The following NRG1 variants were observed in gnomAD, a reference collection of about 807,000 sequenced individuals.
NRG1 encodes neuregulin 1.
Under a neutral mutation model 63.8 loss-of-function variants are expected in NRG1, and 18 were observed. The observed-to-expected ratio is 0.28, with a 90% CI of 0.19 to 0.42. The LOEUF is 0.42. NRG1 is among the 10% of genes least tolerant of loss of function. The probability of loss-of-function intolerance (pLI) is 1.00; values close to 1 mark genes in which losing one functional copy is unlikely to be tolerated. For missense variants in NRG1, 762 were observed against 814.7 expected (o/e 0.94, Z 0.79); for synonymous variants, 302 against 301.3 (o/e 1.00, Z -0.02).
At chr8:32,763,775 T>C (rs754357956) in exon 12 of NRG1, 1 of 1,565,002 alleles carries the variant, frequency 6.4e-7, no homozygotes, top group South Asian at 1.2e-5. Context: ...CCACCCCGGC[T>C]CGTATGTCAC....
intron 1 of NRG1, among the ~76,000 whole-genome samples, chr8:31,872,924 C>T (rs952768588): frequency 6.6e-6 from 1 of 152,274 alleles, no homozygotes; most frequent in Non-Finnish European, 1.5e-5. Flanking sequence ...TCTCCCTTTC[C>T]TATTCTCAGA....
intron 1 of NRG1, among the ~76,000 whole-genome samples, chr8:31,972,190 T>C (rs1807403190): frequency 6.6e-6 from 1 of 152,084 alleles, no homozygotes; most frequent in South Asian, 2.1e-4. Flanking sequence ...TGCTCACAAT[T>C]TACCCCTCCT....
rs532150670 is a variant in NRG1 at position 32,181,907 on chromosome 8, T to G, written c.38-413921T>G. Reference sequence around the variant, plus strand: ...GTATTCTGAATAATGTGCTGGGAGATTATAAATAACCTTAACTAACAGTAA... The same window carrying G: ...GTATTCTGAATAATGTGCTGGGAGAGTATAAATAACCTTAACTAACAGTAA... On this transcript the variant is annotated intron_variant, in intron 1 of 10. Transcript: ENST00000519301. Among the ~76,000 whole-genome samples, 238 of 152,306 alleles carry G rather than the reference T, an allele frequency of 1.6e-3. 3 individuals carry two copies. The highest frequency in any genetic ancestry group is 5.6e-3 in the African/African-American group (234 of 41,572).
At chr8:32,083,653 T>A (rs1287702113) in intron 1 of NRG1, among the ~76,000 whole-genome samples, 2 of 152,202 alleles carry the variant, frequency 1.3e-5, no homozygotes, top group Non-Finnish European at 2.9e-5. Flanking sequence ...ATGAGCTATC[T>A]GCATGGTTGG....
chr8:32,190,410 CT>C (rs1186434959), intron 1 of NRG1, among the ~76,000 whole-genome samples: 1 of 152,076 alleles, frequency 6.6e-6, no homozygotes, highest in Non-Finnish European at 1.5e-5. Context: ...AAATCCTGAG[CT>C]TTTTCTTGAG....
chr8:32,264,719 T>C (rs1439215336), intron 1 of NRG1, among the ~76,000 whole-genome samples: 3 of 152,238 alleles, frequency 2.0e-5, no homozygotes, highest in South Asian at 2.1e-4. Context: ...ATTTAACTTA[T>C]AATTTAGTTA....
At chr8:32,500,232 T>C (rs753872382) in intron 1 of NRG1, among the ~76,000 whole-genome samples, 1 of 152,204 alleles carries the variant, frequency 6.6e-6, no homozygotes. Flanking sequence ...ACTCTCAGAA[T>C]AGACTTTTAA....
rs558975326 is a variant in NRG1, at chr8:32,666,920, G to T, written c.502+50035G>T. ...TTAGCACAGTGCCCTCAAAGTTCACGTGTATTGCAACATGCATCAGAATGT... is the reference window on the plus strand; with the variant it reads ...TTAGCACAGTGCCCTCAAAGTTCACTTGTATTGCAACATGCATCAGAATGT... On this transcript the variant is annotated intron_variant, in intron 5 of 11. Transcript: ENST00000356819. Among the ~76,000 whole-genome samples the T allele has an allele frequency of 5.9e-5, 9 of 152,308 alleles. No individual in the cohort carries two copies. The East Asian group carries it at 1.7e-3, about 29-fold the overall frequency.
At chr8:32,520,442 A>G (rs1033787198) in intron 1 of NRG1, among the ~76,000 whole-genome samples, 7 of 151,974 alleles carry the variant, frequency 4.6e-5, no homozygotes, top group African/African-American at 1.7e-4. Context: ...TACAGGCATG[A>G]GCCACTGCAT....
intron 1 of NRG1, among the ~76,000 whole-genome samples, chr8:32,570,883 A>G (rs892376035): frequency 2.6e-5 from 4 of 152,190 alleles, no homozygotes; most frequent in Admixed American, 2.6e-4. Flanking sequence ...GTGTAGGTGA[A>G]TGATATGAAT....
chr8:32,648,144 C>T (rs775840177), intron 5 of NRG1: 2 of 1,614,150 alleles, frequency 1.2e-6, no homozygotes, highest in Admixed American at 3.3e-5. Flanking sequence ...ATACACTTCA[C>T]CTGTCTCTAG....
At chr8:31,695,982 T>C (rs1810020608) in intron 1 of NRG1, among the ~76,000 whole-genome samples, 1 of 152,236 alleles carries the variant, frequency 6.6e-6, no homozygotes, top group Non-Finnish European at 1.5e-5. Flanking sequence ...AAGTAATACT[T>C]GATCCATAAA....
chr8:32,538,825 G>A (rs1832288949), intron 1 of NRG1, among the ~76,000 whole-genome samples: 3 of 152,188 alleles, frequency 2.0e-5, no homozygotes, highest in South Asian at 4.2e-4. Context: ...TGATTCCTGA[G>A]GCATCATTAC....
chr8:32,243,244 T>A (rs754833937), intron 1 of NRG1, among the ~76,000 whole-genome samples: 4 of 152,006 alleles, frequency 2.6e-5, no homozygotes, highest in Non-Finnish European at 4.4e-5. Flanking sequence ...GCCAACATGG[T>A]GAAACGTGTC....
chr8:32,589,200 G>T (rs1842122444), intron 1 of NRG1, among the ~76,000 whole-genome samples: 1 of 152,174 alleles, frequency 6.6e-6, no homozygotes, highest in South Asian at 2.1e-4. Context: ...CAGAAGAGAA[G>T]ACCAGATGGA....
chr8:31,770,860 T>C (rs1406948907), intron 1 of NRG1, among the ~76,000 whole-genome samples: 1 of 151,422 alleles, frequency 6.6e-6, no homozygotes, highest in Non-Finnish European at 1.5e-5. Context: ...ATTGCGATAA[T>C]GCTACGGACA....
At chr8:31,709,950 T>A (rs1243805493) in intron 1 of NRG1, among the ~76,000 whole-genome samples, 2 of 151,750 alleles carry the variant, frequency 1.3e-5, no homozygotes, top group African/African-American at 4.8e-5. Flanking sequence ...CCTCTTCTCC[T>A]TTTCCATTGA....
chr8:31,859,943 C>A (rs1828315641), intron 1 of NRG1, among the ~76,000 whole-genome samples: 1 of 152,062 alleles, frequency 6.6e-6, no homozygotes, highest in Non-Finnish European at 1.5e-5. Context: ...TTTTTTTTCC[C>A]AGCTCAGTGC....
chr8:32,639,587 T>C (rs1206155909), intron 5 of NRG1, among the ~76,000 whole-genome samples: 1 of 152,228 alleles, frequency 6.6e-6, no homozygotes, highest in African/African-American at 2.4e-5. Flanking sequence ...TATGAGTAAT[T>C]CATAACTGCC....
Sources: allele counts gnomAD v4.1 joint callset (sites outside exome capture counted in the v4.1 genomes callset), GRCh38; gene constraint gnomAD v4.1.1; transcripts MANE v1.5; gene names NCBI Gene and HGNC (gene_info 2026-07-23, HGNC 2026-07-21).